The following RIC1 variants were observed in gnomAD, a reference collection of about 807,000 sequenced individuals.
The protein encoded by RIC1 is guanine nucleotide exchange factor subunit RIC1.
In RIC1, 88 loss-of-function variants were observed where a neutral mutation model predicts 169.0. The ratio of observed to expected loss-of-function variants is 0.52; its 90% confidence interval spans 0.44 to 0.62. RIC1 has a LOEUF of 0.62. Among genes scored for constraint, RIC1 ranks in the 20% least tolerant of loss-of-function variants. The pLI, the probability that RIC1 is intolerant of heterozygous loss-of-function variation, is 0.00. For missense variants in RIC1, 1,877 were observed against 1,725.5 expected (o/e 1.09, Z -1.56); for synonymous variants, 790 against 601.5 (o/e 1.31, Z -4.59).
intron 6 of RIC1, among the ~76,000 whole-genome samples, chr9:5,722,703 C>T (rs1446663826): frequency 6.6e-6 from 1 of 152,080 alleles, no homozygotes; most frequent in Non-Finnish European, 1.5e-5. Flanking sequence ...CTATCCCTCC[C>T]CCCCTCGCCC....
chr9:5,662,109 T>C (rs1459139940), intron 2 of RIC1, among the ~76,000 whole-genome samples: 1 of 152,224 alleles, frequency 6.6e-6, no homozygotes, highest in Admixed American at 6.5e-5. Context: ...TTGTGTTCAG[T>C]TCTGTTTATG....
At chr9:5,657,858 A>T (rs1819193948) in intron 2 of RIC1, among the ~76,000 whole-genome samples, 1 of 152,130 alleles carries the variant, frequency 6.6e-6, no homozygotes. Flanking sequence ...AAAGAAGAAT[A>T]TTTGCTACAG....
At chr9:5,705,194 T>G (rs1822501060) in intron 3 of RIC1, among the ~76,000 whole-genome samples, 2 of 144,812 alleles carry the variant, frequency 1.4e-5, no homozygotes, top group African/African-American at 2.5e-5. Flanking sequence ...CCATTTCTGT[T>G]TTTTTTTTTT....
rs186295335 is a variant in RIC1, at chr9:5,713,838, A to G, written c.333-58A>G. The G allele has an allele frequency of 3.7e-4, 392 of 1,068,188 alleles. No individual in the cohort carries two copies. The African/African-American group carries it at 5.4e-3, about 15-fold the overall frequency. 66.2% of individuals were successfully genotyped at this position (1,068,188 alleles called of 1,614,324 possible). ...TACTTTATTTGATTGTATGTGTATT[A>G]GCCACAGAATGGAGGCAAATTCAGC... is the stretch of plus-strand genomic sequence containing the variant. On this transcript the variant is annotated intron_variant, in intron 3 of 25. Transcript: ENST00000414202.
At chr9:5,742,460 G>A (rs529034408) in intron 8 of RIC1, among the ~76,000 whole-genome samples, 1 of 152,004 alleles carries the variant, frequency 6.6e-6, no homozygotes, top group South Asian at 2.1e-4. Context: ...TGCTCCTTAC[G>A]TTTTTTTAAT....
intron 8 of RIC1, among the ~76,000 whole-genome samples, chr9:5,741,372 A>C (rs1383687246): frequency 6.6e-6 from 1 of 152,160 alleles, no homozygotes; most frequent in Non-Finnish European, 1.5e-5. Context: ...ACATCTTTGA[A>C]CTATTTCTGG....
intron 6 of RIC1, among the ~76,000 whole-genome samples, chr9:5,729,434 C>T (rs1177064112): frequency 2.6e-5 from 4 of 152,178 alleles, no homozygotes; most frequent in African/African-American, 9.7e-5. Flanking sequence ...GTGTACCCTA[C>T]AACTTAAATT....
intron 2 of RIC1, among the ~76,000 whole-genome samples, chr9:5,686,388 C>G (rs1340596262): frequency 6.6e-6 from 1 of 151,958 alleles, no homozygotes; most frequent in Admixed American, 6.6e-5. Flanking sequence ...AAATGTCCAA[C>G]AATGATAGAC....
chr9:5,692,779 G>T (rs1444955186), intron 3 of RIC1, among the ~76,000 whole-genome samples: 1 of 152,154 alleles, frequency 6.6e-6, no homozygotes, highest in Non-Finnish European at 1.5e-5. Context: ...GTAAAGTTTG[G>T]TTTTGACAGT....
At chr9:5,680,628 A>G (rs904231817) in intron 2 of RIC1, among the ~76,000 whole-genome samples, 10 of 152,058 alleles carry the variant, frequency 6.6e-5, no homozygotes, top group African/African-American at 2.4e-4. Flanking sequence ...TTTCTAGTTT[A>G]TTTGTGTAGA....
chr9:5,671,271 A>ATTT (rs1179633145), intron 2 of RIC1, among the ~76,000 whole-genome samples: 18 of 146,772 alleles, frequency 1.2e-4, no homozygotes, highest in South Asian at 1.0e-3. Flanking sequence ...TATTATTATT[A>ATTT]TTATTTTTTT....
At chr9:5,693,640 T>C (rs1821716112) in intron 3 of RIC1, among the ~76,000 whole-genome samples, 1 of 152,194 alleles carries the variant, frequency 6.6e-6, no homozygotes. Context: ...GTGAAATTAA[T>C]GAAGGAAACT....
At chr9:5,770,016 T>C (rs1586730506) in intron 22 of RIC1, 71 bp from the exon 23 acceptor site, 3 of 1,352,616 alleles carry the variant, frequency 2.2e-6, no homozygotes, top group African/African-American at 1.5e-5. Flanking sequence ...CTAAAAGAGC[T>C]GAATTGAAAA....
At chr9:5,640,531 A>G (rs1486720567) in intron 1 of RIC1, among the ~76,000 whole-genome samples, 1 of 152,212 alleles carries the variant, frequency 6.6e-6, no homozygotes, top group Admixed American at 6.5e-5. Flanking sequence ...TCTACTTAAG[A>G]GTAGTTTACA....
At chr9:5,680,951 C>T (rs112831749) in intron 2 of RIC1, among the ~76,000 whole-genome samples, 13 of 148,838 alleles carry the variant, frequency 8.7e-5, no homozygotes, top group Middle Eastern at 3.4e-3. Context: ...CTCAGCCTCC[C>T]GAGTAGCTGG....
At chr9:5,773,160 T>C (rs558907345) in intron 25 of RIC1, 80 bp downstream of exon 25, 35 of 641,472 alleles carry the variant, frequency 5.5e-5, no homozygotes, top group South Asian at 5.3e-4. Flanking sequence ...GGCCTAGTTA[T>C]GGTTCATGTG....
At chr9:5,640,737 T>C (rs975084416) in intron 1 of RIC1, among the ~76,000 whole-genome samples, 1 of 152,184 alleles carries the variant, frequency 6.6e-6, no homozygotes, top group Admixed American at 6.5e-5. Flanking sequence ...ACTCTTTTCT[T>C]TCAGATTGAA....
chr9:5,708,967 T>G (rs1295301578), intron 3 of RIC1, among the ~76,000 whole-genome samples: 1 of 152,090 alleles, frequency 6.6e-6, no homozygotes, highest in Non-Finnish European at 1.5e-5. Context: ...ATGAAATCAC[T>G]CATGTCGAAT....
chr9:5,632,989 A>G (rs1470002812), intron 1 of RIC1, among the ~76,000 whole-genome samples: 1 of 152,226 alleles, frequency 6.6e-6, no homozygotes. Flanking sequence ...GATGTGTATA[A>G]AAGGGATGAA....
Sources: allele counts gnomAD v4.1 joint callset (sites outside exome capture counted in the v4.1 genomes callset), GRCh38; gene constraint gnomAD v4.1.1; transcripts MANE v1.5; gene names NCBI Gene and HGNC (gene_info 2026-07-23, HGNC 2026-07-21).